CRYZ: variants seen among roughly 807,000 people sequenced by gnomAD.
CRYZ encodes zeta-crystallin.
Under a neutral mutation model 34.1 loss-of-function variants are expected in CRYZ, and 35 were observed. The ratio of observed to expected loss-of-function variants is 1.03; its 90% CI spans 0.78 to 1.36. The LOEUF (loss-of-function observed/expected upper bound fraction) is 1.36, where lower values mean the gene tolerates loss of function less well. Among genes scored for constraint, CRYZ ranks in the 40% most tolerant of loss-of-function variants. The probability of loss-of-function intolerance (pLI) is 0.00; values close to 1 mark genes in which losing one functional copy is unlikely to be tolerated. For synonymous variants in CRYZ, 137 were observed against 136.5 expected (o/e 1.00, Z -0.03); for missense variants, 403 against 391.8 (o/e 1.03, Z -0.24).
In CRYZ at chr1:74,723,232, C is replaced by CAG; in HGVS notation, c.149_150insCT (p.Glu51TrpfsTer27). 1.9e-6 allele frequency: 3 copies of CAG among 1,613,858 alleles called. No homozygotes were observed. In the African/African-American group the frequency reaches 4.0e-5, roughly 22 times the overall value. ...AAGTACCAGAGCGAATGTATGTCTC[C>CAG]ACGGGGTTGACACCACATGCATGGA... On this transcript the variant is annotated frameshift_variant, in exon 3 of 9. Transcript: ENST00000340866. LOFTEE classifies it high-confidence loss of function.
At chr1:74,712,812 A>T (rs557190219) in intron 5 of CRYZ, among the ~76,000 whole-genome samples, 52 of 152,194 alleles carry the variant, frequency 3.4e-4, no homozygotes, top group Non-Finnish European at 4.3e-4. Context: ...AGGGCACTCA[A>T]TAGCTCTTTT....
intron 6 of CRYZ, 181 bp from the exon 7 acceptor site, chr1:74,707,385 C>T (rs372537778): frequency 4.2e-6 from 2 of 473,626 alleles, no homozygotes; most frequent in East Asian, 3.8e-5. Context: ...TTCCAAGGTA[C>T]CAGCCAGAAC....
intron 5 of CRYZ, among the ~76,000 whole-genome samples, chr1:74,710,886 G>A (rs1646992779): frequency 6.6e-6 from 1 of 152,070 alleles, no homozygotes; most frequent in African/African-American, 2.4e-5. Context: ...AATAAATTCA[G>A]GAAATAAAAG....
intron 2 of CRYZ, 27 bp downstream of exon 2, chr1:74,724,684 G>T: frequency 1.5e-6 from 2 of 1,366,794 alleles, no homozygotes; most frequent in Non-Finnish European, 2.1e-6. Context: ...TATAATTATA[G>T]CCTCAATAAA....
chr1:74,715,633 A>G (rs1204073490), intron 4 of CRYZ, among the ~76,000 whole-genome samples: 1 of 152,188 alleles, frequency 6.6e-6, no homozygotes, highest in Non-Finnish European at 1.5e-5. Context: ...TGTTAAAGTA[A>G]AACATAAACA....
At chr1:74,709,949 T>TAA (rs796653513) in intron 6 of CRYZ, 149 bp downstream of exon 6, 13 of 586,742 alleles carry the variant, frequency 2.2e-5, no homozygotes, top group African/African-American at 9.3e-5. Flanking sequence ...GTTTTTTAAA[T>TAA]AAAGTTTTAA....
intron 6 of CRYZ, chr1:74,708,918 G>A (rs551928505): frequency 6.6e-6 from 1 of 152,134 alleles, no homozygotes; most frequent in Admixed American, 6.6e-5. Context: ...AAAGTAAGAA[G>A]AGAACCTGTT....
At chr1:74,722,206 G>T (rs1411798482) in intron 3 of CRYZ, among the ~76,000 whole-genome samples, 1 of 152,106 alleles carries the variant, frequency 6.6e-6, no homozygotes, top group Non-Finnish European at 1.5e-5. Context: ...CGGAGGCCCA[G>T]AAAGGAGGGG....
At chr1:74,723,299 G>C (rs1393700273) in intron 2 of CRYZ, 29 bp from the exon 3 acceptor site, 3 of 1,601,080 alleles carry the variant, frequency 1.9e-6, no homozygotes, top group Admixed American at 1.8e-5. Flanking sequence ...TTAGTTCACA[G>C]AAAGAATTTA....
intron 5 of CRYZ, among the ~76,000 whole-genome samples, chr1:74,712,420 C>T (rs1647017294): frequency 1.3e-5 from 2 of 152,232 alleles, no homozygotes; most frequent in Non-Finnish European, 2.9e-5. Context: ...AAATCACCCG[C>T]TACTCATAAC....
At chr1:74,727,351 A>T (rs1331408390) in intron 1 of CRYZ, among the ~76,000 whole-genome samples, 2 of 149,552 alleles carry the variant, frequency 1.3e-5, no homozygotes, top group Non-Finnish European at 3.0e-5. Flanking sequence ...CACAACTTGC[A>T]TGGTGGCAGA....
At chr1:74,718,955 T>C (rs1425079374) in intron 4 of CRYZ, among the ~76,000 whole-genome samples, 3 of 152,132 alleles carry the variant, frequency 2.0e-5, no homozygotes, top group Non-Finnish European at 2.9e-5. Flanking sequence ...CCACATTATA[T>C]ATAAATATGA....
intron 1 of CRYZ, 46 bp from the exon 2 acceptor site, chr1:74,724,880 T>A: frequency 8.8e-7 from 1 of 1,134,404 alleles, no homozygotes; most frequent in Non-Finnish European, 1.3e-6. Context: ...GTATCTAGGA[T>A]ATCACCATGT....
intron 1 of CRYZ, among the ~76,000 whole-genome samples, chr1:74,727,637 T>A (rs1647436502): frequency 1.0e-5 from 1 of 96,332 alleles, no homozygotes; most frequent in African/African-American, 5.0e-5. Flanking sequence ...ACAGCGAGAC[T>A]CTGTCTCAAA....
intron 6 of CRYZ, among the ~76,000 whole-genome samples, chr1:74,709,334 C>T (rs2100693267): frequency 6.6e-6 from 1 of 152,210 alleles, no homozygotes. Flanking sequence ...ATAATGGTAT[C>T]AGCAGTGCTA....
intron 1 of CRYZ, among the ~76,000 whole-genome samples, chr1:74,731,044 C>G (rs186555289): frequency 5.5e-4 from 83 of 152,270 alleles, no homozygotes; most frequent in African/African-American, 1.8e-3. Context: ...ATTGCTTGTG[C>G]TTTTTAATTA....
At position 74,710,555 on chromosome 1, in the gene CRYZ, G is replaced by A. The variant is rs1360510255; in HGVS notation, c.481-308C>T. Among the ~76,000 whole-genome samples, 4 of 152,166 alleles carry A rather than the reference G, an allele frequency of 2.6e-5. No individual in the cohort carries two copies. The South Asian group carries it at 6.2e-4, about 24-fold the overall frequency. ...TTCAAATTATAAGTAATTTGGCCAAGTCATATGCGGAGATGGAAACAGGAG... is the reference window on the plus strand; with the variant it reads ...TTCAAATTATAAGTAATTTGGCCAAATCATATGCGGAGATGGAAACAGGAG... On this transcript the variant is annotated intron_variant, in intron 5 of 8. Coordinates refer to ENST00000340866, the MANE Select transcript of CRYZ (RefSeq NM_001889.4).
intron 1 of CRYZ, among the ~76,000 whole-genome samples, chr1:74,729,022 C>T (rs1647540842): frequency 6.6e-6 from 1 of 151,858 alleles, no homozygotes; most frequent in African/African-American, 2.4e-5. Context: ...CACTCTAGCT[C>T]AGAATTCCTT....
chr1:74,715,259 T>C (rs529146110), intron 4 of CRYZ, among the ~76,000 whole-genome samples: 13 of 152,342 alleles, frequency 8.5e-5, no homozygotes, highest in African/African-American at 3.1e-4. Context: ...TCTGGTGAAA[T>C]GGCATTTTCT....
Sources: gnomAD v4.1 joint callset for allele counts (sites outside exome capture counted in the v4.1 genomes callset) on GRCh38, gnomAD v4.1.1 for gene constraint, MANE v1.5 for transcripts, NCBI Gene and HGNC (gene_info 2026-07-23, HGNC 2026-07-21) for gene names.